The following ASB7 variants were observed in gnomAD, a reference collection of about 807,000 sequenced individuals.
ASB7 encodes the protein ankyrin repeat and SOCS box containing 7, also known as ankyrin repeat and SOCS box protein 7.
In ASB7, 4 loss-of-function variants were observed where a neutral mutation model predicts 32.5. The ratio of observed to expected loss-of-function variants is 0.12; its 90% confidence interval spans 0.06 to 0.28. The LOEUF (loss-of-function observed/expected upper bound fraction) is 0.28. Ranked by LOEUF, ASB7 falls within the 10% of genes least tolerant of loss-of-function variation. The pLI is 1.00. For synonymous variants in ASB7, 172 were observed against 155.6 expected, an observed-to-expected ratio of 1.11 and a Z score of -0.78; for missense variants, 181 against 407.1, an observed-to-expected ratio of 0.44 and a Z score of 4.78.
intron 5 of ASB7, among the ~76,000 whole-genome samples, chr15:100,633,025 C>T (rs942322451): frequency 2.6e-5 from 4 of 151,864 alleles, no homozygotes; most frequent in Admixed American, 2.6e-4. Context: ...CCTTCCAGGA[C>T]GTCAGGAGCG....
At chr15:100,612,072 A>T (rs2039701287) in intron 3 of ASB7, 94 bp from the exon 4 acceptor site, 1 of 731,658 alleles carries the variant, frequency 1.4e-6, no homozygotes, top group Non-Finnish European at 2.3e-6. Context: ...AGGTTTACTG[A>T]TGTAGCAAAT....
At chr15:100,606,072 C>G (rs1326598247) in intron 2 of ASB7, among the ~76,000 whole-genome samples, 1 of 152,166 alleles carries the variant, frequency 6.6e-6, no homozygotes, top group East Asian at 1.9e-4. Context: ...GGCTCCTGAT[C>G]ATATCAGTAG....
At chr15:100,645,817 A>T in intron 5 of ASB7, 1 of 1,362,734 alleles carries the variant, frequency 7.3e-7, no homozygotes, top group Non-Finnish European at 1.0e-6. Flanking sequence ...AAGATTGCCA[A>T]ACGCGACATC....
intron 4 of ASB7, among the ~76,000 whole-genome samples, chr15:100,613,898 G>A (rs1272434237): frequency 6.6e-6 from 1 of 152,190 alleles, no homozygotes; most frequent in East Asian, 1.9e-4. Flanking sequence ...CTGCCTCTGT[G>A]TGGATGTAAC....
chr15:100,609,840 C>T lies in ASB7; in HGVS notation c.-52+12C>T, dbSNP rs1441832566. 6.6e-6 allele frequency: 1 copy of T among 152,222 alleles called. No homozygotes were observed. The highest frequency in any genetic ancestry group is 1.5e-5 in the Non-Finnish European group (1 of 68,048). The allele number at this position is 152,222 out of a possible 1,614,324, so 9.4% of individuals were successfully genotyped here. On this transcript the variant is annotated intron_variant, in intron 3 of 5. Transcript: ENST00000332783. ...CACTCTTCCATAAGGCAAGTTGCCT[C>T]AGGGTCATTGGTCATCTGTGTTGTT... is the stretch of plus-strand genomic sequence containing the variant.
intron 5 of ASB7, among the ~76,000 whole-genome samples, chr15:100,636,850 G>A (rs532146140): frequency 6.6e-6 from 1 of 152,274 alleles, no homozygotes; most frequent in Admixed American, 6.5e-5. Flanking sequence ...AAATCAAAAC[G>A]AATTTCCTAA....
chr15:100,615,345 A>C (rs141985699), intron 4 of ASB7, among the ~76,000 whole-genome samples: 1 of 152,326 alleles, frequency 6.6e-6, no homozygotes, highest in East Asian at 1.9e-4. Flanking sequence ...CGGCATATTC[A>C]TGGAGTTGGA....
At chr15:100,646,504 A>C in intron 5 of ASB7, 1 of 461,810 alleles carries the variant, frequency 2.2e-6, no homozygotes, top group East Asian at 5.7e-5. Context: ...ATCAAACTCC[A>C]CATATTTGTG....
intron 3 of ASB7, among the ~76,000 whole-genome samples, chr15:100,610,585 C>T (rs971009939): frequency 3.3e-5 from 5 of 152,030 alleles, no homozygotes; most frequent in Non-Finnish European, 7.4e-5. Context: ...TAAATTTGAG[C>T]ACTTAGTTGT....
Position 100,648,540 on chromosome 15 carries a change from C to A in ASB7, c.*78C>A. On this transcript the variant is annotated 3_prime_UTR_variant, in exon 6 of 6. Coordinates refer to ENST00000332783, the MANE Select transcript of ASB7 (RefSeq NM_198243.3). ...CTTTTTGCCTTGCACAAAGTATATC[C>A]TATGCAATTTCTGATTTGCTGTGAA... The A allele has an allele frequency of 1.7e-6, 2 of 1,193,748 alleles. No individual in the cohort carries two copies. Among genetic ancestry groups the A allele is most frequent in the Non-Finnish European group, 2.3e-6 (2 of 875,376 alleles). The allele number at this position is 1,193,748 out of a possible 1,614,324, so 73.9% of individuals were successfully genotyped here. A position where few individuals can be genotyped will look rare whatever the true frequency, so the allele number is the denominator to read the frequency against.
In ASB7 at chr15:100,629,208, A is replaced by G. The variant is rs1221003743; in HGVS notation, c.212-229A>G. ...GTTTTTTGTGTATATCTTTTTAAAC[A>G]CTTTGTCTTTCTCCTTTCATTAACC... On this transcript the variant is annotated intron_variant, in intron 4 of 5. Coordinates refer to ENST00000332783, the MANE Select transcript of ASB7 (RefSeq NM_198243.3). This position sits in a 1 kb window ranked among gnomAD's most constrained non-coding sequence, Gnocchi z 6.8. Among the ~76,000 whole-genome samples the G allele has an allele frequency of 1.2e-4, 19 of 152,238 alleles. No homozygotes were observed. The highest frequency in any genetic ancestry group is 1.2e-3 in the Admixed American group (19 of 15,286).
At chr15:100,610,441 GC>G in intron 3 of ASB7, among the ~76,000 whole-genome samples, 1 of 151,266 alleles carries the variant, frequency 6.6e-6, no homozygotes, top group South Asian at 2.1e-4. Flanking sequence ...GTTGCAGTGA[GC>G]TCAGATCGCG....
At chr15:100,611,565 C>A (rs2039696378) in intron 3 of ASB7, among the ~76,000 whole-genome samples, 2 of 138,576 alleles carry the variant, frequency 1.4e-5, no homozygotes, top group Middle Eastern at 4.2e-3. Flanking sequence ...ATGAAACCTC[C>A]ACCTCCCGGG....
intron 5 of ASB7, among the ~76,000 whole-genome samples, chr15:100,638,092 T>G (rs1395717551): frequency 5.3e-5 from 8 of 152,182 alleles, no homozygotes; most frequent in Admixed American, 5.2e-4. Flanking sequence ...AAAGATTCTT[T>G]GAGCTTCTCC....
Position 100,629,721 on chromosome 15 carries a change from G to A in ASB7, c.496G>A (p.Val166Met). 1 of 1,614,218 alleles carries A rather than the reference G, an allele frequency of 6.2e-7. No homozygotes were observed. Among genetic ancestry groups the A allele is most frequent in the Non-Finnish European group, 8.5e-7 (1 of 1,180,034 alleles). ...CATTATCCGAGAGAGGTCAAGCTGT[G>A]TGAAAATCCTCCTGGACCACAATGC... Reference protein sequence around the residue: ...LAIIRERSSCVKILLDHNANI... With the variant: ...LAIIRERSSCMKILLDHNANI... Residue 166 changes from valine (V) to methionine (M), a missense_variant, in exon 5 of 6, where the codon GTG (valine) becomes ATG (methionine). Transcript: ENST00000332783. This position sits in a 1 kb window ranked among gnomAD's most constrained non-coding sequence, Gnocchi z 6.8.
chr15:100,642,823 T>C (rs1157157973), intron 5 of ASB7, among the ~76,000 whole-genome samples: 1 of 152,172 alleles, frequency 6.6e-6, no homozygotes, highest in African/African-American at 2.4e-5. Context: ...GATCACCTGA[T>C]GTCAGGAGTT....
At chr15:100,634,613 G>A (rs1370869901) in intron 5 of ASB7, among the ~76,000 whole-genome samples, 2 of 152,148 alleles carry the variant, frequency 1.3e-5, no homozygotes, top group Non-Finnish European at 2.9e-5. Flanking sequence ...AGACCAGCCC[G>A]TCCAACATGG....
chr15:100,643,812 C>G (rs1236132151), intron 5 of ASB7, among the ~76,000 whole-genome samples: 1 of 151,696 alleles, frequency 6.6e-6, no homozygotes, highest in Non-Finnish European at 1.5e-5. Flanking sequence ...TTTTTTTTAC[C>G]TTAGCTAAGC....
intron 4 of ASB7, among the ~76,000 whole-genome samples, chr15:100,621,590 A>G (rs1191357544): frequency 6.6e-6 from 1 of 152,216 alleles, no homozygotes; most frequent in Non-Finnish European, 1.5e-5. Flanking sequence ...AAAAGACAAT[A>G]ATTGTGAAAT....
Sources: allele counts gnomAD v4.1 joint callset (sites outside exome capture counted in the v4.1 genomes callset), GRCh38; gene constraint gnomAD v4.1.1; non-coding constraint Gnocchi (gnomAD v3.1); transcripts MANE v1.5; gene names NCBI Gene and HGNC (gene_info 2026-07-23, HGNC 2026-07-21).